The following FBXW5 variants were observed in gnomAD, a reference collection of about 807,000 sequenced individuals.
FBXW5 encodes the protein F-box/WD repeat-containing protein 5.
A neutral mutation model predicts 50.9 loss-of-function variants in FBXW5; 74 were observed. The observed-to-expected ratio is 1.45, with a 90% CI of 1.20 to 1.76. The LOEUF (loss-of-function observed/expected upper bound fraction) is 1.76. FBXW5 is among the 40% of genes most tolerant of loss of function. The probability of loss-of-function intolerance (pLI) is 0.00; values close to 1 mark genes in which losing one functional copy is unlikely to be tolerated. For missense variants in FBXW5, 1,073 were observed against 818.8 expected (o/e 1.31, Z -3.79); for synonymous variants, 523 against 362.2 (o/e 1.44, Z -5.04).
chr9:136,944,476 C>T (rs1025155972), intron 1 of FBXW5, 118 bp downstream of exon 1: 237 of 981,734 alleles, frequency 2.4e-4, no homozygotes, highest in African/African-American at 8.9e-4. Context: ...CAGCTCTGCC[C>T]GGCGGGCTCG....
At chr9:136,944,285 G>T in intron 1 of FBXW5, 179 bp from the exon 2 acceptor site, 1 of 704,026 alleles carries the variant, frequency 1.4e-6, no homozygotes, top group Non-Finnish European at 2.0e-6. Flanking sequence ...GGCCGGGCCG[G>T]CCCCTCTCCG....
chr9:136,942,682 C>G lies in FBXW5; in HGVS notation c.540G>C (p.Leu180=). 6.2e-7 allele frequency: 1 copy of G among 1,610,686 alleles called. No homozygotes were observed. Among genetic ancestry groups the G allele is most frequent in the Non-Finnish European group, 8.5e-7 (1 of 1,179,008 alleles). The change falls in exon 5 of 9, where the codon CTG becomes CTC. Residue 180 remains leucine, a synonymous_variant. Transcript: ENST00000325285. Reference sequence around the variant, plus strand: ...AGGGCTTGTTCCGCACGCGGGACAGCAGCGCGAAGGAGTCTGTGGGGAGGC... The same window carrying G: ...AGGGCTTGTTCCGCACGCGGGACAGGAGCGCGAAGGAGTCTGTGGGGAGGC... ...IAVISLDSFA[L]LSRVRNKPYD... is the part of the protein sequence containing the mutation.
chr9:136,943,993 GC>G lies in FBXW5; in HGVS notation c.90del (p.Leu31TrpfsTer86), dbSNP rs752158484. ...SLGPADVLAA[G>X]LVCRQWQAVS... Reference sequence around the variant, plus strand: ...ACGGCCTGCCATTGGCGGCACACCAGCCCGGCGGCCAGCACGTCGGCCGGGC... The same window carrying G: ...ACGGCCTGCCATTGGCGGCACACCAGCCGGCGGCCAGCACGTCGGCCGGGC... On this transcript the variant is annotated frameshift_variant, in exon 2 of 9. Coordinates refer to ENST00000325285, the MANE Select transcript of FBXW5 (RefSeq NM_018998.4). LOFTEE classifies it high-confidence loss of function. 6.3e-7 allele frequency: 1 copy of G among 1,589,904 alleles called. No individual in the cohort carries two copies. Among genetic ancestry groups the G allele is most frequent in the Non-Finnish European group, 8.6e-7 (1 of 1,169,482 alleles).
chr9:136,942,362 G>A lies in FBXW5; in HGVS notation c.780C>T (p.Phe260=), dbSNP rs753277578. The A allele has an allele frequency of 7.5e-6, 12 of 1,608,634 alleles. No homozygotes were observed. Among genetic ancestry groups the A allele is most frequent in the Admixed American group, 3.4e-5 (2 of 59,478 alleles). Residue 260 remains phenylalanine, a synonymous_variant, in exon 6 of 9, where the codon TTC becomes TTT. Transcript: ENST00000325285. ...RTVMVADCSR[F]DSPDLLLEAG... ...CTTCCAGCAGCAGGTCAGGGCTGTC[G>A]AAGCGGCTGCAGTCGGCCACCATCA... is the stretch of plus-strand genomic sequence containing the variant.
chr9:136,943,734 G>A (rs1476864542), intron 2 of FBXW5, among the ~76,000 whole-genome samples, 157 bp downstream of exon 2: 2 of 151,742 alleles, frequency 1.3e-5, no homozygotes, highest in African/African-American at 4.9e-5. Flanking sequence ...TCTGAGGGGC[G>A]CCTGCGCTGT....
In FBXW5 at chr9:136,941,843, G is replaced by C. The variant is rs1014652512; in HGVS notation, c.1097-159C>G. ...CCCCAGACCTGAATCAGGCCCGTCGGTTGCTTGCTGGCCAGCGGCCCTGCC... is the reference window on the plus strand; with the variant it reads ...CCCCAGACCTGAATCAGGCCCGTCGCTTGCTTGCTGGCCAGCGGCCCTGCC... On this transcript the variant is annotated intron_variant, in intron 6 of 8. Transcript: ENST00000325285. 4.0e-5 allele frequency: 58 copies of C among 1,436,636 alleles called. No homozygotes were observed. In the African/African-American group the frequency reaches 7.9e-4, roughly 19 times the overall value. 89.0% of individuals were successfully genotyped at this position (1,436,636 alleles called of 1,614,324 possible).
In FBXW5 at chr9:136,942,613, C is replaced by T. The variant is rs775396065; in HGVS notation, c.609G>A (p.Ser203=). 174 of 1,610,314 alleles carry T rather than the reference C, an allele frequency of 1.1e-4. 1 individual carries two copies. The highest frequency in any genetic ancestry group is 4.1e-5 in the Non-Finnish European group (48 of 1,178,934). The change falls in exon 5 of 9, where the codon TCG becomes TCA. Residue 203 remains serine, a synonymous_variant. Transcript: ENST00000325285. ...GCWLTETSLI[S]GNLHRIGDIT... is the part of the protein sequence containing the mutation. ...TATCTCCGATGCGGTGCAGGTTCCC[C>T]GAGATGAGGCTGGTCTCGGTGAGCC... is the stretch of plus-strand genomic sequence containing the variant.
At position 136,943,373 on chromosome 9, in the gene FBXW5, G is replaced by A; in HGVS notation, c.327C>T (p.Ser109=). 2 of 1,612,886 alleles carry A rather than the reference G, an allele frequency of 1.2e-6. No individual in the cohort carries two copies. Among genetic ancestry groups the A allele is most frequent in the Non-Finnish European group, 1.7e-6 (2 of 1,179,942 alleles). The change falls in exon 3 of 9, where the codon TCC becomes TCT. Residue 109 remains serine (S), a synonymous_variant. Coordinates refer to ENST00000325285, the MANE Select transcript of FBXW5 (RefSeq NM_018998.4). ...SFSHSGYQFA[S]CSKDCTVKIW... is the part of the protein sequence containing the mutation. ...CCTTCACAGTGCAGTCCTTGGAGCA[G>A]GACGCGAACTGGTACCCGGAATGGG... is the stretch of plus-strand genomic sequence containing the variant.
chr9:136,940,666 G>T lies in FBXW5; in HGVS notation c.*262C>A. 1.9e-6 allele frequency: 1 copy of T among 526,798 alleles called. No individual in the cohort carries two copies. The highest frequency in any genetic ancestry group is 2.1e-5 in the South Asian group (1 of 46,950). 32.6% of individuals were successfully genotyped at this position (526,798 alleles called of 1,614,324 possible). ...GTACCCCTAGCCTGGGGTTGAGTGA[G>T]GAGCGGCACCCCCAGTATCCTGTGT... On this transcript the variant is annotated 3_prime_UTR_variant, in exon 9 of 9. Transcript: ENST00000325285.
At chr9:136,943,076 C>T (rs1226120079) in intron 3 of FBXW5, 133 bp from the exon 4 acceptor site, 6 of 1,367,884 alleles carry the variant, frequency 4.4e-6, no homozygotes, top group Non-Finnish European at 5.1e-6. Context: ...CCCTTCCAGC[C>T]ACTGTCATCC....
At position 136,940,898 on chromosome 9, in the gene FBXW5, T is replaced by G; in HGVS notation, c.*30A>C. 6.4e-7 allele frequency: 1 copy of G among 1,567,006 alleles called. No homozygotes were observed. The highest frequency in any genetic ancestry group is 8.6e-7 in the Non-Finnish European group (1 of 1,159,260). ...AGAGCCTGGCGATGTCCTCAAGGGG[T>G]CCCGGTGGCTCCAGTGCACCCAGCA... On this transcript the variant is annotated 3_prime_UTR_variant, in exon 9 of 9. Transcript: ENST00000325285.
rs779146764 is a variant in FBXW5, at chr9:136,941,580, T to C, written c.1201A>G (p.Ile401Val). The C allele has an allele frequency of 2.2e-5, 36 of 1,609,778 alleles. No individual in the cohort carries two copies. Among genetic ancestry groups the C allele is most frequent in the Non-Finnish European group, 2.8e-5 (33 of 1,178,992 alleles). Reference sequence around the variant, plus strand: ...CCCATGCCGATGATGTGTCCGTGTATGTCTATGACGTGGTCCAGCGCGTCG... The same window carrying C: ...CCCATGCCGATGATGTGTCCGTGTACGTCTATGACGTGGTCCAGCGCGTCG... ...FFDALDHVID[I>V]HGHIIGMGLS... is the part of the protein sequence containing the mutation. The change falls in exon 7 of 9, where the codon ATA becomes GTA. Residue 401 changes from isoleucine to valine, a missense_variant. Transcript: ENST00000325285.
rs1156593903 is a variant in FBXW5 at position 136,944,059 on chromosome 9, G to A, written c.25C>T (p.Leu9Phe). 3 of 1,600,858 alleles carry A rather than the reference G, an allele frequency of 1.9e-6. No individual in the cohort carries two copies. Among genetic ancestry groups the A allele is most frequent in the Non-Finnish European group, 2.6e-6 (3 of 1,174,500 alleles). Residue 9 changes from leucine to phenylalanine, a missense_variant, in exon 2 of 9, where the codon CTC becomes TTC. By Grantham distance (22) the Leu-to-Phe change is conservative (BLOSUM62 0). Transcript: ENST00000325285. ...ATCTGGTAGACCAGGCTGTCGGGGA[G>A]CAGGGGCGTGCCGCCCTCGTCCATC... MDEGGTPL[L>F]PDSLVYQIFL...
chr9:136,943,968 A>G lies in FBXW5; in HGVS notation c.116T>C (p.Val39Ala). The G allele has an allele frequency of 1.9e-6, 3 of 1,570,138 alleles. No homozygotes were observed. Among genetic ancestry groups the G allele is most frequent in the Non-Finnish European group, 2.6e-6 (3 of 1,158,986 alleles). The change falls in exon 2 of 9, where the codon GTG becomes GCG. Residue 39 changes from valine to alanine, a missense_variant. Transcript: ENST00000325285. Reference protein sequence around the residue: ...AGLVCRQWQAVSRDEFLWREQ... With the variant: ...AGLVCRQWQAASRDEFLWREQ... The stretch of plus-strand genomic sequence containing the variant: ...CCTCCACAGGAACTCGTCCCGCGAC[A>G]CGGCCTGCCATTGGCGGCACACCAG...
intron 6 of FBXW5, 82 bp downstream of exon 6, chr9:136,941,964 T>A (rs567827452): frequency 6.8e-7 from 1 of 1,476,634 alleles, no homozygotes; most frequent in Admixed American, 2.4e-5. Flanking sequence ...TGGACTTGCT[T>A]GCTGTCTGCC....
Position 136,940,646 on chromosome 9 carries a change from C to T in FBXW5, c.*282G>A, listed in dbSNP as rs983843206. 1 of 474,616 alleles carries T rather than the reference C, an allele frequency of 2.1e-6. No individual in the cohort carries two copies. Among genetic ancestry groups the T allele is most frequent in the Non-Finnish European group, 3.8e-6 (1 of 260,894 alleles). The allele number at this position is 474,616 out of a possible 1,614,324, so 29.4% of individuals were successfully genotyped here. On this transcript the variant is annotated 3_prime_UTR_variant, in exon 9 of 9. Transcript: ENST00000325285. ...CGAGGCCAGCTGGGTCAGGTGTACCCCTAGCCTGGGGTTGAGTGAGGAGCG... is the reference window on the plus strand; with the variant it reads ...CGAGGCCAGCTGGGTCAGGTGTACCTCTAGCCTGGGGTTGAGTGAGGAGCG...
Position 136,941,004 on chromosome 9 carries a change from C to G in FBXW5, c.1625G>C (p.Arg542Pro). 6.4e-7 allele frequency: 1 copy of G among 1,554,552 alleles called. No homozygotes were observed. The highest frequency in any genetic ancestry group is 8.7e-7 in the Non-Finnish European group (1 of 1,149,004). ...AGGTGCCTGGAGGACGCGCATGGTGCGTGGGGAGCGCCAGGCTTTGATGGT... is the reference window on the plus strand; with the variant it reads ...AGGTGCCTGGAGGACGCGCATGGTGGGTGGGGAGCGCCAGGCTTTGATGGT... ...DATIKAWRSPRTMRVLQAPRP... is the reference protein window; with the variant it reads ...DATIKAWRSPPTMRVLQAPRP... Residue 542 changes from arginine (R) to proline (P), a missense_variant, in exon 9 of 9, where the codon CGC becomes CCC. Transcript: ENST00000325285.
Position 136,941,006 on chromosome 9 carries a change from T to TG in FBXW5, c.1622dup (p.Arg542ThrfsTer39). 1 of 1,554,684 alleles carries TG rather than the reference T, an allele frequency of 6.4e-7. No individual in the cohort carries two copies. Among genetic ancestry groups the TG allele is most frequent in the Non-Finnish European group, 8.7e-7 (1 of 1,149,014 alleles). On this transcript the variant is annotated frameshift_variant, in exon 9 of 9. Coordinates refer to ENST00000325285, the MANE Select transcript of FBXW5 (RefSeq NM_018998.4). LOFTEE classifies it high-confidence loss of function. ...GTGCCTGGAGGACGCGCATGGTGCG[T>TG]GGGGAGCGCCAGGCTTTGATGGTGG...
Position 136,942,423 on chromosome 9 carries a change from T to G in FBXW5, c.719A>C (p.Lys240Thr), listed in dbSNP as rs764692860. 7 of 1,603,488 alleles carry G rather than the reference T, an allele frequency of 4.4e-6. No individual in the cohort carries two copies. Among genetic ancestry groups the G allele is most frequent in the Non-Finnish European group, 6.0e-6 (7 of 1,172,594 alleles). The change falls in exon 6 of 9, where the codon AAG becomes ACG. Residue 240 changes from lysine to threonine, a missense_variant. Transcript: ENST00000325285. Reference protein sequence around the residue: ...ENVNVVKRLFKIQNLNASTVR... With the variant: ...ENVNVVKRLFTIQNLNASTVR... ...GGTGCTGGCATTGAGGTTCTGGATC[T>G]TGAACAGCCGCTTCACCACGTTGAC...
Sources: gnomAD v4.1 joint callset for allele counts (sites outside exome capture counted in the v4.1 genomes callset) on GRCh38, gnomAD v4.1.1 for gene constraint, MANE v1.5 for transcripts, NCBI Gene and HGNC (gene_info 2026-07-23, HGNC 2026-07-21) for gene names.